Variants in MCC observed in about 807,000 individuals in gnomAD.
MCC encodes the protein colorectal mutant cancer protein.
Under a neutral mutation model 116.2 loss-of-function variants are expected in MCC, and 90 were observed. The observed-to-expected ratio is 0.77, with a 90% CI of 0.65 to 0.92. The LOEUF (loss-of-function observed/expected upper bound fraction) is 0.92. Ranked by LOEUF, MCC falls within the 40% of genes least tolerant of loss-of-function variation. The pLI is 0.00. For missense variants in MCC, 1,516 were observed against 1,312.2 expected, an observed-to-expected ratio of 1.16 and a Z score of -2.40; for synonymous variants, 578 against 510.5, an observed-to-expected ratio of 1.13 and a Z score of -1.78.
At chr5:113,426,188 C>T (rs1292506523) in intron 1 of MCC, among the ~76,000 whole-genome samples, 1 of 152,124 alleles carries the variant, frequency 6.6e-6, no homozygotes, top group African/African-American at 2.4e-5. Flanking sequence ...TGCTGGGCCC[C>T]AGGGTGCTTG....
At chr5:113,205,341 T>C (rs1762871652) in intron 3 of MCC, among the ~76,000 whole-genome samples, 1 of 152,208 alleles carries the variant, frequency 6.6e-6, no homozygotes, top group South Asian at 2.1e-4. Context: ...ATGAGAACAC[T>C]ACCTGCCCTG....
chr5:113,111,705 G>C (rs548238462), intron 6 of MCC, among the ~76,000 whole-genome samples: 1 of 152,114 alleles, frequency 6.6e-6, no homozygotes, highest in Non-Finnish European at 1.5e-5. Context: ...AACTGGTATC[G>C]TTACACGTCA....
chr5:113,377,305 G>A (rs564127220), intron 2 of MCC, among the ~76,000 whole-genome samples: 6 of 152,192 alleles, frequency 3.9e-5, no homozygotes, highest in African/African-American at 1.4e-4. Flanking sequence ...GTTGTATAGG[G>A]GTCATAAGAA....
chr5:113,209,980 G>A (rs928546445), intron 3 of MCC, among the ~76,000 whole-genome samples: 1 of 152,190 alleles, frequency 6.6e-6, no homozygotes, highest in African/African-American at 2.4e-5. Context: ...GTCTATCGGA[G>A]TGATAAGATT....
intron 1 of MCC, among the ~76,000 whole-genome samples, chr5:113,395,619 C>G (rs1252248384): frequency 2.0e-5 from 3 of 152,284 alleles, no homozygotes; most frequent in Admixed American, 6.5e-5. Context: ...CTCTTTCCCC[C>G]CAGGCTGCTG....
intron 2 of MCC, among the ~76,000 whole-genome samples, chr5:113,358,830 T>A (rs898950219): frequency 7.2e-5 from 11 of 152,166 alleles, no homozygotes; most frequent in African/African-American, 2.7e-4. Flanking sequence ...AGAATCACCA[T>A]GAGTCTTTAG....
At chr5:113,438,975 C>G (rs1770949848) in intron 1 of MCC, among the ~76,000 whole-genome samples, 1 of 152,130 alleles carries the variant, frequency 6.6e-6, no homozygotes, top group Non-Finnish European at 1.5e-5. Flanking sequence ...GGCAGGATCC[C>G]CTGGCTGGGA....
chr5:113,179,094 C>T (rs1761482812), intron 3 of MCC, among the ~76,000 whole-genome samples: 1 of 152,176 alleles, frequency 6.6e-6, no homozygotes, highest in Non-Finnish European at 1.5e-5. Context: ...CATTCAATAC[C>T]TTACAGAGAC....
At chr5:113,048,635 A>G in intron 16 of MCC, 1 of 208,884 alleles carries the variant, frequency 4.8e-6, no homozygotes, top group Non-Finnish European at 9.4e-6. Context: ...ACTTCAACAC[A>G]GGTATGTATG....
chr5:113,097,572 T>G (rs1291770946), intron 8 of MCC, among the ~76,000 whole-genome samples: 1 of 152,202 alleles, frequency 6.6e-6, no homozygotes, highest in Non-Finnish European at 1.5e-5. Context: ...CAGTCTGCAT[T>G]TTCTCTATAT....
intron 17 of MCC, among the ~76,000 whole-genome samples, chr5:113,029,513 C>A (rs1362045856): frequency 6.6e-6 from 1 of 152,056 alleles, no homozygotes; most frequent in East Asian, 1.9e-4. Flanking sequence ...CCAACATGAT[C>A]CCACCTTGCC....
chr5:113,274,957 G>C (rs1162122234), intron 3 of MCC, among the ~76,000 whole-genome samples: 1 of 152,178 alleles, frequency 6.6e-6, no homozygotes, highest in East Asian at 1.9e-4. Context: ...ACCATGCCTA[G>C]ATTCCCAGCT....
Position 113,122,059 on chromosome 5 carries a change from T to C in MCC, c.1027+625A>G, listed in dbSNP as rs112378774. 3.3e-5 allele frequency among the ~76,000 whole-genome samples: 5 copies of C among 152,398 alleles called. 1 individual carries two copies. The highest frequency in any genetic ancestry group is 1.2e-4 in the African/African-American group (5 of 41,604). On this transcript the variant is annotated intron_variant, in intron 6 of 18. Transcript: ENST00000408903. Reference sequence around the variant, plus strand: ...GAAACAATACTGTCACTTGCTTTCCTATTAGCCTTCATTTAAAAATACTTT... The same window carrying C: ...GAAACAATACTGTCACTTGCTTTCCCATTAGCCTTCATTTAAAAATACTTT...
At chr5:113,243,576 C>T (rs1164916403) in intron 3 of MCC, among the ~76,000 whole-genome samples, 2 of 152,208 alleles carry the variant, frequency 1.3e-5, no homozygotes, top group Non-Finnish European at 2.9e-5. Context: ...CTGTTCCTTT[C>T]CTTCTCCAAA....
intron 8 of MCC, among the ~76,000 whole-genome samples, chr5:113,096,944 A>G (rs867466306): frequency 6.6e-6 from 1 of 152,166 alleles, no homozygotes; most frequent in Non-Finnish European, 1.5e-5. Context: ...GCTCCCTCCC[A>G]TGCAGCTAGA....
intron 1 of MCC, among the ~76,000 whole-genome samples, chr5:113,389,059 T>C (rs1561548035): frequency 6.6e-6 from 1 of 152,214 alleles, no homozygotes; most frequent in South Asian, 2.1e-4. Context: ...TCTATACATG[T>C]GTTATCCTTC....
At chr5:113,218,221 A>T (rs1763400433) in intron 3 of MCC, among the ~76,000 whole-genome samples, 1 of 152,122 alleles carries the variant, frequency 6.6e-6, no homozygotes, top group Non-Finnish European at 1.5e-5. Context: ...CTCAGCTAGG[A>T]TAAATAACTC....
intron 3 of MCC, among the ~76,000 whole-genome samples, chr5:113,228,665 G>T (rs957387559): frequency 6.6e-6 from 1 of 152,120 alleles, no homozygotes; most frequent in African/African-American, 2.4e-5. Flanking sequence ...AGAGAAAAGG[G>T]GTTTTGAGCA....
At chr5:113,177,163 T>C (rs2150306877) in intron 3 of MCC, among the ~76,000 whole-genome samples, 1 of 152,260 alleles carries the variant, frequency 6.6e-6, no homozygotes, top group Middle Eastern at 3.4e-3. Context: ...CCCTCTCCTA[T>C]GTAGCCTCCT....
Sources: gnomAD v4.1 joint callset for allele counts (sites outside exome capture counted in the v4.1 genomes callset) on GRCh38, gnomAD v4.1.1 for gene constraint, MANE v1.5 for transcripts, NCBI Gene and HGNC (gene_info 2026-07-23, HGNC 2026-07-21) for gene names.